The following PTPRT variants were observed in gnomAD, a reference collection of about 807,000 sequenced individuals.
PTPRT encodes the protein receptor-type tyrosine-protein phosphatase T.
PTPRT carries 56 observed loss-of-function variants against 176.8 expected under a neutral mutation model. The ratio of observed to expected loss-of-function variants is 0.32; its 90% confidence interval spans 0.26 to 0.40. The LOEUF is 0.40. PTPRT is among the 10% of genes least tolerant of loss of function. PTPRT has a pLI of 1.00. For missense variants in PTPRT, 1,540 were observed against 1,908.2 expected (o/e 0.81, Z 3.60); for synonymous variants, 783 against 739.0 (o/e 1.06, Z -0.96).
intron 1 of PTPRT, among the ~76,000 whole-genome samples, chr20:43,079,761 T>C (rs1249992715): frequency 6.6e-6 from 1 of 152,196 alleles, no homozygotes; most frequent in Non-Finnish European, 1.5e-5. Flanking sequence ...TAAGGGTTGG[T>C]CGGTTAATTA....
chr20:42,969,739 CCTT>C (rs1212214044), intron 1 of PTPRT: 3 of 152,128 alleles, frequency 2.0e-5, no homozygotes, highest in Non-Finnish European at 2.9e-5. Context: ...TTTTCTATCT[CCTT>C]CTTACTATTA....
chr20:42,497,555 T>C (rs1051980645), intron 7 of PTPRT, among the ~76,000 whole-genome samples: 1 of 152,086 alleles, frequency 6.6e-6, no homozygotes, highest in Non-Finnish European at 1.5e-5. Flanking sequence ...GTAGCTGAGA[T>C]TATAGGCACC....
At chr20:42,333,680 C>A (rs898150443) in intron 11 of PTPRT, among the ~76,000 whole-genome samples, 1 of 151,454 alleles carries the variant, frequency 6.6e-6, no homozygotes, top group Non-Finnish European at 1.5e-5. Context: ...TAACATGTGG[C>A]TTTAATTCCT....
At chr20:42,049,845 A>G in the PTPRT span, among the ~76,000 whole-genome samples, 1 of 152,242 alleles carries the variant, frequency 6.6e-6, no homozygotes, top group Admixed American at 6.5e-5. Flanking sequence ...GATGGCTCCA[A>G]GAGGGGCTGA....
At chr20:42,904,854 G>T (rs1386672722) in intron 1 of PTPRT, among the ~76,000 whole-genome samples, 1 of 152,140 alleles carries the variant, frequency 6.6e-6, no homozygotes, top group Non-Finnish European at 1.5e-5. Context: ...TGGGAAAACT[G>T]GCTAGCCATA....
At position 42,212,415 on chromosome 20, in the gene PTPRT, TCAA is replaced by T. The variant is rs1423120811; in HGVS notation, c.2343-13030_2343-13028del. Among the ~76,000 whole-genome samples, 737 of 75,434 alleles carry T rather than the reference TCAA, an allele frequency of 9.8e-3. 7 individuals are homozygous for T. Among genetic ancestry groups the T allele is most frequent in the African/African-American group, 0.038 (702 of 18,484 alleles). The allele number at this position is 75,434 out of a possible 152,430, so 49.5% of individuals were successfully genotyped here. On this transcript the variant is annotated intron_variant, in intron 15 of 30. Coordinates refer to ENST00000373187, the MANE Select transcript of PTPRT (RefSeq NM_007050.6). ...AAGATGACCCAATTAGTCTTTTTTC[TCAA>T]AAAAAAAAAAAAAAAAAAAGAATCA...
chr20:42,777,689 G>A (rs1265292143), intron 4 of PTPRT, among the ~76,000 whole-genome samples: 1 of 152,154 alleles, frequency 6.6e-6, no homozygotes, highest in Non-Finnish European at 1.5e-5. Context: ...CATAGCTGAT[G>A]TACAATAATT....
At chr20:43,031,284 G>A (rs763293103) in intron 1 of PTPRT, among the ~76,000 whole-genome samples, 4 of 152,142 alleles carry the variant, frequency 2.6e-5, no homozygotes, top group Non-Finnish European at 5.9e-5. Context: ...CCTGGGTGCT[G>A]AACAGGGAAT....
At chr20:42,705,901 T>TA (rs1484165952) in intron 6 of PTPRT, among the ~76,000 whole-genome samples, 2 of 152,194 alleles carry the variant, frequency 1.3e-5, no homozygotes, top group Non-Finnish European at 2.9e-5. Context: ...GTTATGAACA[T>TA]TACTCTTACT....
At chr20:42,366,700 G>A (rs2058519292) in intron 9 of PTPRT, among the ~76,000 whole-genome samples, 1 of 152,258 alleles carries the variant, frequency 6.6e-6, no homozygotes, top group Non-Finnish European at 1.5e-5. Context: ...GTAAGAACAT[G>A]AGCACTGGAG....
intron 9 of PTPRT, among the ~76,000 whole-genome samples, chr20:42,357,688 T>A (rs1407611773): frequency 6.6e-6 from 1 of 151,844 alleles, no homozygotes; most frequent in African/African-American, 2.4e-5. Context: ...GCAGGAGGAT[T>A]ATTTGAGCCT....
At chr20:42,446,225 C>T (rs2070730431) in intron 9 of PTPRT, among the ~76,000 whole-genome samples, 1 of 152,022 alleles carries the variant, frequency 6.6e-6, no homozygotes, top group Admixed American at 6.6e-5. Context: ...ACAAAGTTGC[C>T]ATCAATCCAG....
In PTPRT at chr20:42,110,427, C is replaced by A. The variant is rs747961781; in HGVS notation, c.3160G>T (p.Gly1054Cys). 6.2e-7 allele frequency: 1 copy of A among 1,612,872 alleles called. No homozygotes were observed. Among genetic ancestry groups the A allele is most frequent in the Non-Finnish European group, 8.5e-7 (1 of 1,179,068 alleles). The stretch of plus-strand genomic sequence containing the variant: ...AGGCCAGTGGCATAGCAGGGAACGC[C>A]GTGGTCAGGCCAGCTGGTGAAGTGG... ...LFHFTSWPDH[G>C]VPCYATGLLG... Residue 1054 changes from glycine to cysteine, a missense_variant, in exon 23 of 31, where the codon GGC (glycine) becomes TGC (cysteine). Gly to Cys is a radical substitution (Grantham distance 159). Coordinates refer to ENST00000373187, the MANE Select transcript of PTPRT (RefSeq NM_007050.6).
chr20:43,176,931 C>G lies in PTPRT; in HGVS notation c.88+12715G>C, dbSNP rs559403554. The stretch of plus-strand genomic sequence containing the variant: ...AGGTCACTAGACCTCATTAGTAAAC[C>G]ATGAGGCCAGAAAAAGCCAGCCCAA... On this transcript the variant is annotated intron_variant, in intron 1 of 30. Transcript: ENST00000373187. Among the ~76,000 whole-genome samples the G allele has an allele frequency of 2.0e-5, 3 of 152,260 alleles. 1 individual carries two copies. The highest frequency in any genetic ancestry group is 4.1e-4 in the South Asian group (2 of 4,826).
At chr20:42,149,375 A>G (rs1280420033) in intron 17 of PTPRT, among the ~76,000 whole-genome samples, 3 of 151,918 alleles carry the variant, frequency 2.0e-5, no homozygotes, top group Non-Finnish European at 4.4e-5. Context: ...CTCGTGGACC[A>G]AGGACAAGAA....
intron 1 of PTPRT, among the ~76,000 whole-genome samples, chr20:42,926,964 G>T (rs1401165392): frequency 1.3e-5 from 2 of 152,276 alleles, no homozygotes; most frequent in Middle Eastern, 3.4e-3. Flanking sequence ...ACCAGGGAAA[G>T]GATGTTTCCC....
chr20:42,996,675 G>C (rs1984240723), intron 1 of PTPRT, among the ~76,000 whole-genome samples: 1 of 152,108 alleles, frequency 6.6e-6, no homozygotes, highest in African/African-American at 2.4e-5. Flanking sequence ...GGAAAGGGGG[G>C]CCCAAAGTGG....
chr20:42,790,032 C>A (rs2077349615), intron 3 of PTPRT, among the ~76,000 whole-genome samples: 1 of 152,182 alleles, frequency 6.6e-6, no homozygotes, highest in Admixed American at 6.5e-5. Flanking sequence ...ACCCTCTAAC[C>A]TAAAACCTTT....
chr20:43,045,668 G>A (rs1986809768), intron 1 of PTPRT, among the ~76,000 whole-genome samples: 2 of 137,854 alleles, frequency 1.5e-5, no homozygotes, highest in South Asian at 4.6e-4. Flanking sequence ...TCACTATGTT[G>A]CCCAGGCTGG....
Sources: allele counts gnomAD v4.1 joint callset (sites outside exome capture counted in the v4.1 genomes callset), GRCh38; gene constraint gnomAD v4.1.1; transcripts MANE v1.5; gene names NCBI Gene and HGNC (gene_info 2026-07-23, HGNC 2026-07-21).